The following WWC1 variants were observed in gnomAD, a reference collection of about 807,000 sequenced individuals.
WWC1 encodes the protein WW and C2 domain containing 1, also known as protein KIBRA.
Under a neutral mutation model 138.4 loss-of-function variants are expected in WWC1, and 55 were observed. That is an observed-to-expected ratio of 0.40 (90% CI 0.32 to 0.50). WWC1 has a LOEUF of 0.50. Ranked by LOEUF, WWC1 falls within the 20% of genes least tolerant of loss-of-function variation. The pLI is 0.72. For missense variants in WWC1, 1,226 were observed against 1,420.4 expected (o/e 0.86, Z 2.20); for synonymous variants, 524 against 564.9 (o/e 0.93, Z 1.03).
At chr5:168,342,486 A>T (rs1661577332) in intron 1 of WWC1, among the ~76,000 whole-genome samples, 1 of 152,186 alleles carries the variant, frequency 6.6e-6, no homozygotes, top group Non-Finnish European at 1.5e-5. Flanking sequence ...CATGTATAGA[A>T]GTTTGAAGCA....
At chr5:168,422,419 A>G (rs1220185037) in intron 10 of WWC1, among the ~76,000 whole-genome samples, 1 of 152,214 alleles carries the variant, frequency 6.6e-6, no homozygotes, top group East Asian at 1.9e-4. Context: ...GCTTCAGCTC[A>G]GGAGTTTGAA....
chr5:168,452,776 CT>C (rs1354005357), intron 17 of WWC1, among the ~76,000 whole-genome samples: 2 of 152,072 alleles, frequency 1.3e-5, no homozygotes, highest in African/African-American at 2.4e-5. Context: ...CCTCCTCCTC[CT>C]CCTCCTCCTC....
intron 1 of WWC1, among the ~76,000 whole-genome samples, chr5:168,304,729 T>A (rs1770395273): frequency 6.6e-6 from 1 of 152,170 alleles, no homozygotes; most frequent in Non-Finnish European, 1.5e-5. Flanking sequence ...ACCTGAGATA[T>A]TTTGTTAGTG....
Position 168,414,594 on chromosome 5 carries a change from G to A in WWC1, c.1184+4G>A. The stretch of plus-strand genomic sequence containing the variant: ...AGAGCAAGGCGCTGACGGAGAGGTG[G>A]GGCTGGGGCCCCAGGGTGTGTAGGA... On this transcript the variant is annotated splice_donor_region_variant and intron_variant, in intron 9 of 22. Coordinates refer to ENST00000265293, the MANE Select transcript of WWC1 (RefSeq NM_015238.3). 6.5e-7 allele frequency: 1 copy of A among 1,549,896 alleles called. No individual in the cohort carries two copies. The highest frequency in any genetic ancestry group is 2.4e-5 in the East Asian group (1 of 41,198).
chr5:168,468,499 A>T (rs1757486680), intron 22 of WWC1, among the ~76,000 whole-genome samples: 1 of 140,330 alleles, frequency 7.1e-6, no homozygotes, highest in Admixed American at 6.8e-5. Flanking sequence ...ATGTGCTTTA[A>T]AAAAAAAAAA....
At chr5:168,368,660 G>T (rs1050349046) in intron 1 of WWC1, among the ~76,000 whole-genome samples, 2 of 152,200 alleles carry the variant, frequency 1.3e-5, no homozygotes, top group African/African-American at 2.4e-5. Context: ...GCATACCTGC[G>T]TGTGGAGCTT....
rs553801487 is a variant in WWC1, at chr5:168,435,883, C to T, written c.2280+4439C>T. Among the ~76,000 whole-genome samples the T allele has an allele frequency of 1.5e-3, 230 of 151,800 alleles. 2 individuals are homozygous for T. Among genetic ancestry groups the T allele is most frequent in the Non-Finnish European group, 2.7e-3 (185 of 67,964 alleles). ...TTTATTTTTGAGACAGAGTCTGTTGCCCAGACTGAAGGGCAATGGCGTGAT... is the reference window on the plus strand; with the variant it reads ...TTTATTTTTGAGACAGAGTCTGTTGTCCAGACTGAAGGGCAATGGCGTGAT... On this transcript the variant is annotated intron_variant, in intron 15 of 22. Transcript: ENST00000265293.
At chr5:168,468,068 C>T (rs1757447756) in intron 22 of WWC1, 104 bp downstream of exon 22, 3 of 1,516,542 alleles carry the variant, frequency 2.0e-6, no homozygotes, top group Non-Finnish European at 2.7e-6. Context: ...TCACAGAGCA[C>T]TGGCTTTCCC....
chr5:168,320,421 A>C (rs1771968677), intron 1 of WWC1, among the ~76,000 whole-genome samples: 1 of 152,158 alleles, frequency 6.6e-6, no homozygotes, highest in Admixed American at 6.6e-5. Flanking sequence ...TGATCTTAGA[A>C]GCCAAACTCC....
intron 17 of WWC1, 30 bp from the exon 18 acceptor site, chr5:168,453,938 G>T (rs745648602): frequency 1.2e-6 from 2 of 1,611,208 alleles, no homozygotes; most frequent in East Asian, 4.5e-5. Flanking sequence ...CGGCTTCTGG[G>T]TGGGTAACCA....
rs1029287094 is a variant in WWC1 at position 168,292,610 on chromosome 5, G to T, written c.119+339G>T. On this transcript the variant is annotated intron_variant, in intron 1 of 22. Coordinates refer to ENST00000265293, the MANE Select transcript of WWC1 (RefSeq NM_015238.3). The surrounding 1 kb of genome is among the most constrained non-coding windows in gnomAD (Gnocchi z 4.4). ...GGAAGAGAGGTCGGGCGGGGGCGGG[G>T]GTTGGGGGAGCGACCTAGCCGGGTG... is the stretch of plus-strand genomic sequence containing the variant. Among the ~76,000 whole-genome samples, 5 of 152,134 alleles carry T rather than the reference G, an allele frequency of 3.3e-5. No individual in the cohort carries two copies. The highest frequency in any genetic ancestry group is 1.2e-4 in the African/African-American group (5 of 41,436).
At chr5:168,320,653 C>A (rs1015557277) in intron 1 of WWC1, among the ~76,000 whole-genome samples, 3 of 152,144 alleles carry the variant, frequency 2.0e-5, no homozygotes, top group Non-Finnish European at 4.4e-5. Flanking sequence ...GTGAACAGAG[C>A]AGAATCTGCT....
chr5:168,403,895 C>G (rs1260004018), intron 5 of WWC1, among the ~76,000 whole-genome samples: 1 of 151,188 alleles, frequency 6.6e-6, no homozygotes, highest in Non-Finnish European at 1.5e-5. Flanking sequence ...CACACACACA[C>G]ACACACACAC....
intron 5 of WWC1, among the ~76,000 whole-genome samples, chr5:168,404,509 G>A (rs981516322): frequency 4.6e-5 from 7 of 152,208 alleles, no homozygotes; most frequent in Admixed American, 2.0e-4. Flanking sequence ...TGTTGAGACC[G>A]TGCTCCATGC....
chr5:168,467,759 C>T lies in WWC1; in HGVS notation c.3151-81C>T, dbSNP rs996476078. 9 of 1,596,522 alleles carry T rather than the reference C, an allele frequency of 5.6e-6. No individual in the cohort carries two copies. The African/African-American group carries it at 1.1e-4, about 19-fold the overall frequency. On this transcript the variant is annotated intron_variant, in intron 21 of 22. Coordinates refer to ENST00000265293, the MANE Select transcript of WWC1 (RefSeq NM_015238.3). ...GAGGGTGCCGTCCCTACAGTAGCCCCCTCTGTTGTGATAGCGAGTTCTCCT... is the reference window on the plus strand; with the variant it reads ...GAGGGTGCCGTCCCTACAGTAGCCCTCTCTGTTGTGATAGCGAGTTCTCCT...
At chr5:168,320,264 A>T (rs1278139887) in intron 1 of WWC1, among the ~76,000 whole-genome samples, 1 of 152,084 alleles carries the variant, frequency 6.6e-6, no homozygotes, top group African/African-American at 2.4e-5. Context: ...CAAACTCCTG[A>T]CCTCAGGTGA....
At position 168,471,503 on chromosome 5, in the gene WWC1, CTCCTCTG is replaced by C. The variant is rs1561812529; in HGVS notation, c.*2487_*2493del. On this transcript the variant is annotated 3_prime_UTR_variant, in exon 23 of 23. Transcript: ENST00000265293. ...CTGCTCTGTGGCACCTGTGCCTACACTCCTCTGAGCTTTGAGGAGGCTGCTCTCTTTG... is the reference window on the plus strand; with the variant it reads ...CTGCTCTGTGGCACCTGTGCCTACACAGCTTTGAGGAGGCTGCTCTCTTTG... The C allele has an allele frequency of 6.6e-6, 1 of 152,336 alleles. No individual in the cohort carries two copies. Among genetic ancestry groups the C allele is most frequent in the East Asian group, 1.9e-4 (1 of 5,192 alleles). 9.4% of individuals were successfully genotyped at this position (152,336 alleles called of 1,614,324 possible). A position where few individuals can be genotyped will look rare whatever the true frequency, so the allele number is the denominator to read the frequency against.
chr5:168,373,502 T>A (rs933174886), intron 2 of WWC1, among the ~76,000 whole-genome samples: 59 of 151,942 alleles, frequency 3.9e-4, no homozygotes, highest in African/African-American at 1.4e-3. Context: ...ATAGTAGGAA[T>A]ATGAGCACCA....
chr5:168,429,994 C>G (rs150366358), intron 13 of WWC1, 143 bp from the exon 14 acceptor site: 312 of 629,862 alleles, frequency 5.0e-4, no homozygotes, highest in Non-Finnish European at 8.0e-4. Flanking sequence ...TGCATGGCAG[C>G]AAAGCACTGG....
Sources: gnomAD v4.1 joint callset for allele counts (sites outside exome capture counted in the v4.1 genomes callset) on GRCh38, gnomAD v4.1.1 for gene constraint, Gnocchi (gnomAD v3.1) non-coding constraint, MANE v1.5 for transcripts, NCBI Gene and HGNC (gene_info 2026-07-23, HGNC 2026-07-21) for gene names.